Variants in PTCH1 observed in about 807,000 individuals in gnomAD.
The protein encoded by PTCH1 is protein patched homolog 1.
In PTCH1, 14 loss-of-function variants were observed where a neutral mutation model predicts 144.6. That is an observed-to-expected ratio of 0.10 (90% CI 0.06 to 0.15). The LOEUF is 0.15. Ranked by LOEUF, PTCH1 falls within the 10% of genes least tolerant of loss-of-function variation. The pLI is 1.00. For synonymous variants in PTCH1, 833 were observed against 793.6 expected (o/e 1.05, Z -0.83); for missense variants, 1,623 against 1,948.3 (o/e 0.83, Z 3.14).
At chr9:95,468,593 C>T (rs182046500) in intron 14 of PTCH1, among the ~76,000 whole-genome samples, 158 bp downstream of exon 14, 1 of 152,108 alleles carries the variant, frequency 6.6e-6, no homozygotes, top group Admixed American at 6.5e-5. Context: ...GCCCTATGCT[C>T]TAAAAGCATT....
rs1843972299 is a variant in PTCH1 at position 95,508,859 on chromosome 9, C to T, written c.-498G>A. On this transcript the variant is annotated 5_prime_UTR_variant, in exon 1 of 24. Coordinates refer to ENST00000331920, the MANE Select transcript of PTCH1 (RefSeq NM_000264.5). ...GCGCCTCCCGGGTCGCCCGAGCGGCCGCGGAGGGCAAGCGCAGAGCCGCCG... is the reference window on the plus strand; with the variant it reads ...GCGCCTCCCGGGTCGCCCGAGCGGCTGCGGAGGGCAAGCGCAGAGCCGCCG... 1 of 981,706 alleles carries T rather than the reference C, an allele frequency of 1.0e-6. No individual in the cohort carries two copies. The highest frequency in any genetic ancestry group is 1.2e-6 in the Non-Finnish European group (1 of 827,584). 60.8% of individuals were successfully genotyped at this position (981,706 alleles called of 1,614,324 possible).
rs1372637638 is a variant in PTCH1, at chr9:95,459,560, C to A, written c.2887+40G>T. 1.9e-6 allele frequency: 3 copies of A among 1,610,606 alleles called. No individual in the cohort carries two copies. In the South Asian group the frequency reaches 3.3e-5, roughly 18 times the overall value. On this transcript the variant is annotated intron_variant, in intron 17 of 23. Transcript: ENST00000331920. ...GAGTTTGGAGAACCAGGGAAGGCAC[C>A]TCTGTAAGTTCCCAGACCTCCCGAT...
intron 3 of PTCH1, 36 bp downstream of exon 3, chr9:95,485,649 T>C (rs1841900043): frequency 6.2e-7 from 1 of 1,613,142 alleles, no homozygotes; most frequent in Non-Finnish European, 8.5e-7. Context: ...CCGCCTTACC[T>C]GCTGCTCATT....
chr9:95,500,094 A>G (rs1843050445), intron 2 of PTCH1, among the ~76,000 whole-genome samples: 1 of 152,214 alleles, frequency 6.6e-6, no homozygotes. Flanking sequence ...TCCAGCCAGC[A>G]TTAATCTCGG....
chr9:95,516,906 T>C, exon 1 of PTCH1: 1 of 1,170,314 alleles, frequency 8.5e-7, no homozygotes, highest in East Asian at 2.5e-5. Flanking sequence ...CCCTTTACAA[T>C]AAACTCAAGG....
upstream of PTCH1, among the ~76,000 whole-genome samples, chr9:95,512,318 C>T (rs1844195721): frequency 2.0e-5 from 3 of 152,278 alleles, no homozygotes; most frequent in Non-Finnish European, 4.4e-5. Flanking sequence ...TAAATTCTAC[C>T]CGTGGGTTCC....
intron 2 of PTCH1, among the ~76,000 whole-genome samples, chr9:95,486,527 G>GT (rs1161866624): frequency 1.3e-5 from 2 of 152,238 alleles, no homozygotes; most frequent in African/African-American, 4.8e-5. Context: ...GAAAACACAG[G>GT]TGCCAGGTTC....
rs373179629 is a variant in PTCH1 at position 95,478,038 on chromosome 9, A to G, written c.1347+17T>C. On this transcript the variant is annotated intron_variant, in intron 9 of 23. Coordinates refer to ENST00000331920, the MANE Select transcript of PTCH1 (RefSeq NM_000264.5). The stretch of plus-strand genomic sequence containing the variant: ...AAACCAAACTCCAGCCCCCAGGAGC[A>G]TGGCATCGAGCGTTACCATGAGTAA... 9 of 1,614,074 alleles carry G rather than the reference A, an allele frequency of 5.6e-6. No individual in the cohort carries two copies. In the African/African-American group the frequency reaches 6.7e-5, roughly 12 times the overall value.
intron 8 of PTCH1, among the ~76,000 whole-genome samples, chr9:95,478,640 C>T (rs1841282275): frequency 6.6e-6 from 1 of 152,192 alleles, no homozygotes; most frequent in African/African-American, 2.4e-5. Context: ...CAAAGGCCAG[C>T]TCCTGTCACA....
rs2136601586 is a variant in PTCH1, at chr9:95,449,265, C to T, written c.3608G>A (p.Ser1203Asn). The T allele has an allele frequency of 6.4e-7, 1 of 1,564,846 alleles. No individual in the cohort carries two copies. Among genetic ancestry groups the T allele is most frequent in the Non-Finnish European group, 8.7e-7 (1 of 1,154,474 alleles). ...GGGCGGCATGGCGAAGCGGACCACG[C>T]TGGGGGGTGGCTCAGGGGAGGGTGT... The part of the protein sequence containing the change: ...LPTPSPEPPP[S>N]VVRFAMPPGH... Residue 1203 changes from serine (S) to asparagine (N), a missense_variant, in exon 22 of 24, where the codon AGC (serine) becomes AAC (asparagine). Physicochemically the swap from Ser to Asn is conservative, Grantham distance 46 (BLOSUM62 1). Transcript: ENST00000331920. The surrounding 1 kb of genome is among the most constrained non-coding windows in gnomAD (Gnocchi z 5.3).
upstream of PTCH1, among the ~76,000 whole-genome samples, chr9:95,509,273 GGA>G (rs1844015682): frequency 6.6e-6 from 1 of 152,144 alleles, no homozygotes; most frequent in Non-Finnish European, 1.5e-5. Context: ...GGGTGGAGGG[GGA>G]GAGAGCGAGC....
chr9:95,453,758 C>T (rs1046841278), intron 19 of PTCH1, 138 bp from the exon 20 acceptor site: 2 of 1,171,008 alleles, frequency 1.7e-6, no homozygotes, highest in Admixed American at 2.0e-5. Context: ...ATCAGAGTAG[C>T]TCAACTAGCA....
Position 95,509,240 on chromosome 9 carries a change from G to A in PTCH1, c.-879C>T, listed in dbSNP as rs1236595357. Among the ~76,000 whole-genome samples, 1 of 140,434 alleles carries A rather than the reference G, an allele frequency of 7.1e-6. No homozygotes were observed. Among genetic ancestry groups the A allele is most frequent in the Non-Finnish European group, 1.5e-5 (1 of 64,900 alleles). The allele number at this position is 140,434 out of a possible 152,430, so 92.1% of individuals were successfully genotyped here. Reference sequence around the variant, plus strand: ...AAAGAACTCTCTCCATTTGGAGAAAGAAGAGGAGGAGGGGAGGGGAGGGGG... The same window carrying A: ...AAAGAACTCTCTCCATTTGGAGAAAAAAGAGGAGGAGGGGAGGGGAGGGGG... On this transcript the variant is annotated 5_prime_UTR_variant, in exon 1 of 24. Coordinates refer to ENST00000331920, the MANE Select transcript of PTCH1 (RefSeq NM_000264.5).
rs185002261 is a variant in PTCH1 at position 95,466,560 on chromosome 9, G to A, written c.2560+556C>T. On this transcript the variant is annotated intron_variant, in intron 15 of 23. Coordinates refer to ENST00000331920, the MANE Select transcript of PTCH1 (RefSeq NM_000264.5). ...GTTTACAGTCGAGGGGGCTGTGTGT[G>A]GGTGAGGAAGGGGGATATGGGCCAT... Among the ~76,000 whole-genome samples, 261 of 152,180 alleles carry A rather than the reference G, an allele frequency of 1.7e-3. 4 individuals carry two copies. The highest frequency in any genetic ancestry group is 2.5e-4 in the Non-Finnish European group (17 of 68,000).
At position 95,448,238 on chromosome 9, in the gene PTCH1, G is replaced by C; in HGVS notation, c.3805-787C>G. Among the ~76,000 whole-genome samples, 3 of 152,362 alleles carry C rather than the reference G, an allele frequency of 2.0e-5. No homozygotes were observed. The South Asian group carries it at 6.2e-4, about 32-fold the overall frequency. On this transcript the variant is annotated intron_variant, in intron 22 of 23. Transcript: ENST00000331920. ...TGCAGCTCAGCGGGCGTCGTCGCGGGGGGTAGGAGGAGGACAATTCAGGTT... is the reference window on the plus strand; with the variant it reads ...TGCAGCTCAGCGGGCGTCGTCGCGGCGGGTAGGAGGAGGACAATTCAGGTT...
chr9:95,464,585 A>C (rs980136680), intron 15 of PTCH1, among the ~76,000 whole-genome samples: 14 of 152,232 alleles, frequency 9.2e-5, no homozygotes, highest in African/African-American at 3.4e-4. Context: ...ACACATTTGT[A>C]CATGACTCGA....
rs1462573671 is a variant in PTCH1 at position 95,478,235 on chromosome 9, A to G, written c.1216-49T>C. ...ATGCCCAAATGCAATGAACACTTCC[A>G]CAAGCCTCGACAGCACAGATCTCAG... On this transcript the variant is annotated intron_variant, in intron 8 of 23. Coordinates refer to ENST00000331920, the MANE Select transcript of PTCH1 (RefSeq NM_000264.5). 8.7e-6 allele frequency: 14 copies of G among 1,612,728 alleles called. No homozygotes were observed. In the East Asian group the frequency reaches 3.1e-4, roughly 36 times the overall value.
intron 2 of PTCH1, among the ~76,000 whole-genome samples, chr9:95,505,560 C>T (rs953959743): frequency 6.6e-5 from 10 of 152,296 alleles, no homozygotes; most frequent in Non-Finnish European, 1.2e-4. Flanking sequence ...AACCCCAAAA[C>T]TGAGGAACGT....
Position 95,449,791 on chromosome 9 carries a change from C to T in PTCH1, c.3549+50G>A, listed in dbSNP as rs1838294024. ...TCGAAGTGAAGAGCGGCACAGGAAA[C>T]ACAGCATTCAGCCGGCCTACACGTG... is the stretch of plus-strand genomic sequence containing the variant. On this transcript the variant is annotated intron_variant, in intron 21 of 23. Coordinates refer to ENST00000331920, the MANE Select transcript of PTCH1 (RefSeq NM_000264.5). The surrounding 1 kb of genome is among the most constrained non-coding windows in gnomAD (Gnocchi z 5.3). 2.0e-6 allele frequency: 3 copies of T among 1,516,190 alleles called. No individual in the cohort carries two copies. Among genetic ancestry groups the T allele is most frequent in the East Asian group, 4.5e-5 (2 of 44,226 alleles). The allele number at this position is 1,516,190 out of a possible 1,614,324, so 93.9% of individuals were successfully genotyped here. A position where few individuals can be genotyped will look rare whatever the true frequency, so the allele number is the denominator to read the frequency against.
Sources: gnomAD v4.1 joint callset for allele counts (sites outside exome capture counted in the v4.1 genomes callset) on GRCh38, gnomAD v4.1.1 for gene constraint, Gnocchi (gnomAD v3.1) non-coding constraint, MANE v1.5 for transcripts, NCBI Gene and HGNC (gene_info 2026-07-23, HGNC 2026-07-21) for gene names.